Variants in CNTN3 observed in about 807,000 individuals in gnomAD.
CNTN3 encodes contactin-3.
A neutral mutation model predicts 119.1 loss-of-function variants in CNTN3; 60 were observed. The observed-to-expected ratio is 0.50, with a 90% CI of 0.41 to 0.62. CNTN3 has a LOEUF of 0.62. Ranked by LOEUF, CNTN3 falls within the 20% of genes least tolerant of loss-of-function variation. The pLI, the probability that CNTN3 is intolerant of heterozygous loss-of-function variation, is 0.00. For missense variants in CNTN3, 1,101 were observed against 1,242.4 expected, an observed-to-expected ratio of 0.89 and a Z score of 1.71; for synonymous variants, 450 against 438.7, an observed-to-expected ratio of 1.03 and a Z score of -0.32.
At chr3:74,270,912 A>G (rs770639580) in intron 20 of CNTN3, among the ~76,000 whole-genome samples, 6 of 152,236 alleles carry the variant, frequency 3.9e-5, no homozygotes, top group Non-Finnish European at 5.9e-5. Context: ...AAATGATGAC[A>G]TATCACTAGA....
At chr3:74,511,931 A>G (rs1287008530) in intron 2 of CNTN3, among the ~76,000 whole-genome samples, 1 of 152,118 alleles carries the variant, frequency 6.6e-6, no homozygotes, top group African/African-American at 2.4e-5. Context: ...GTCTACTAGG[A>G]GGAACAGTGA....
In CNTN3 at chr3:74,607,068, A is replaced by C. The variant is rs531040258; in HGVS notation, c.-81+7323T>G. Among the ~76,000 whole-genome samples the C allele has an allele frequency of 1.2e-4, 19 of 152,316 alleles. No individual in the cohort carries two copies. In the South Asian group the frequency reaches 3.7e-3, roughly 30 times the overall value. On this transcript the variant is annotated intron_variant, in intron 1 of 22. Transcript: ENST00000263665. ...CAAAGCTTTTGATCAGTTTTATTTAAAATAAATAGAAGCCCTAGTAAGAAG... is the reference window on the plus strand; with the variant it reads ...CAAAGCTTTTGATCAGTTTTATTTACAATAAATAGAAGCCCTAGTAAGAAG...
chr3:74,360,118 G>A (rs1047034355), intron 11 of CNTN3, among the ~76,000 whole-genome samples: 7 of 152,170 alleles, frequency 4.6e-5, no homozygotes, highest in African/African-American at 1.7e-4. Context: ...TGGAGGAACT[G>A]CAGATTGTGC....
At chr3:74,572,746 A>G (rs1469418118) in intron 1 of CNTN3, among the ~76,000 whole-genome samples, 1 of 152,210 alleles carries the variant, frequency 6.6e-6, no homozygotes, top group Non-Finnish European at 1.5e-5. Context: ...CCACTTTCTA[A>G]AAGCAGAAAA....
chr3:74,471,210 G>A (rs901047715), intron 4 of CNTN3, among the ~76,000 whole-genome samples: 1 of 152,012 alleles, frequency 6.6e-6, no homozygotes. Context: ...GGGAGGCTGG[G>A]GGAGAGATAA....
chr3:74,380,805 A>G (rs1318191153), intron 5 of CNTN3, among the ~76,000 whole-genome samples: 2 of 152,234 alleles, frequency 1.3e-5, no homozygotes, highest in Non-Finnish European at 2.9e-5. Context: ...CGTCACAATA[A>G]CACTGTCCAT....
intron 5 of CNTN3, among the ~76,000 whole-genome samples, chr3:74,398,851 T>A (rs1705118503): frequency 1.3e-5 from 2 of 152,328 alleles, no homozygotes; most frequent in Middle Eastern, 6.8e-3. Context: ...GATTGATCAC[T>A]TATCACGTGG....
chr3:74,498,806 T>C (rs1375941355), intron 3 of CNTN3, among the ~76,000 whole-genome samples: 2 of 151,982 alleles, frequency 1.3e-5, no homozygotes, highest in African/African-American at 4.8e-5. Context: ...GTTTTCATAG[T>C]AGATGTTCAC....
intron 5 of CNTN3, among the ~76,000 whole-genome samples, chr3:74,375,498 G>A (rs1466868093): frequency 2.0e-5 from 3 of 152,110 alleles, no homozygotes; most frequent in African/African-American, 4.8e-5. Context: ...CCACAGACAC[G>A]ATTAAGTTAA....
chr3:74,573,612 C>A (rs1272893197), intron 1 of CNTN3, among the ~76,000 whole-genome samples: 6 of 151,844 alleles, frequency 4.0e-5, no homozygotes, highest in African/African-American at 1.2e-4. Flanking sequence ...AGACAAATAA[C>A]CCAAAATTAA....
intron 13 of CNTN3, among the ~76,000 whole-genome samples, chr3:74,311,990 C>T (rs893650750): frequency 2.6e-5 from 4 of 152,014 alleles, no homozygotes; most frequent in East Asian, 3.9e-4. Flanking sequence ...AAAAACTCCA[C>T]GAAGAGCCAA....
At position 74,285,304 on chromosome 3, in the gene CNTN3, C is replaced by T. The variant is rs763671270; in HGVS notation, c.2704+1G>A. 3.7e-6 allele frequency: 6 copies of T among 1,600,040 alleles called. No homozygotes were observed. The African/African-American group carries it at 4.1e-5, about 11-fold the overall frequency. ...ATTCAAAGAAATCAGAATATACTTA[C>T]GCGTTTTCTTGGTGGTTACATTAAC... is the stretch of plus-strand genomic sequence containing the variant. On this transcript the variant is annotated splice_donor_variant, in intron 20 of 22. Transcript: ENST00000263665. LOFTEE classifies it high-confidence loss of function.
At chr3:74,584,403 T>C (rs1480920990) in intron 1 of CNTN3, among the ~76,000 whole-genome samples, 2 of 151,866 alleles carry the variant, frequency 1.3e-5, no homozygotes, top group African/African-American at 4.8e-5. Context: ...TAGTGTGGAG[T>C]GTTTAGATTA....
At chr3:74,462,975 T>G (rs1040382916) in intron 4 of CNTN3, among the ~76,000 whole-genome samples, 3 of 152,180 alleles carry the variant, frequency 2.0e-5, no homozygotes, top group South Asian at 2.1e-4. Context: ...TCCTTGTAGA[T>G]CCATGTGTCA....
intron 8 of CNTN3, among the ~76,000 whole-genome samples, chr3:74,366,780 GTATATATA>G (rs59223804): frequency 9.4e-5 from 6 of 63,704 alleles, no homozygotes; most frequent in South Asian, 8.7e-4. Context: ...GTGTGTGTGT[GTATATATA>G]TATATATATA....
chr3:74,571,535 C>T (rs1468512973), intron 1 of CNTN3, among the ~76,000 whole-genome samples: 1 of 152,128 alleles, frequency 6.6e-6, no homozygotes, highest in Non-Finnish European at 1.5e-5. Context: ...TCTTCCATTG[C>T]CTGCTTTTAT....
chr3:74,284,013 T>C (rs1249828889), intron 20 of CNTN3, among the ~76,000 whole-genome samples: 1 of 152,104 alleles, frequency 6.6e-6, no homozygotes, highest in Non-Finnish European at 1.5e-5. Flanking sequence ...GCAATGCTCA[T>C]TGTACTAGCC....
At chr3:74,575,003 A>G (rs907157048) in intron 1 of CNTN3, among the ~76,000 whole-genome samples, 3 of 150,960 alleles carry the variant, frequency 2.0e-5, no homozygotes, top group Non-Finnish European at 4.4e-5. Context: ...GGCTCACTGT[A>G]GCCTGGACCT....
Position 74,395,132 on chromosome 3 carries a change from C to T in CNTN3, c.455-23733G>A, listed in dbSNP as rs189956135. ...TATTGCTTCCCTACAATGTCTTTTG[C>T]TGTTTCTCCTACTAGACCCTCAGCA... On this transcript the variant is annotated intron_variant, in intron 5 of 22. Coordinates refer to ENST00000263665, the MANE Select transcript of CNTN3 (RefSeq NM_020872.3). Among the ~76,000 whole-genome samples the T allele has an allele frequency of 3.0e-4, 46 of 152,106 alleles. No homozygotes were observed. In the South Asian group the frequency reaches 3.7e-3, roughly 12 times the overall value.
Sources: gnomAD v4.1 joint callset for allele counts (sites outside exome capture counted in the v4.1 genomes callset) on GRCh38, gnomAD v4.1.1 for gene constraint, MANE v1.5 for transcripts, NCBI Gene and HGNC (gene_info 2026-07-23, HGNC 2026-07-21) for gene names.